The following LMO2 variants were observed in gnomAD, a reference collection of about 807,000 sequenced individuals.
LMO2 encodes rhombotin-2.
Under a neutral mutation model 23.2 loss-of-function variants are expected in LMO2, and 20 were observed. The ratio of observed to expected loss-of-function variants is 0.86; its 90% CI spans 0.61 to 1.25. The LOEUF is 1.25. Ranked by LOEUF, LMO2 falls within the 50% of genes most tolerant of loss-of-function variation. LMO2 has a pLI of 0.00. For missense variants in LMO2, 270 were observed against 315.3 expected (o/e 0.86, Z 1.09); for synonymous variants, 123 against 130.2 (o/e 0.94, Z 0.38).
intron 1 of LMO2, among the ~76,000 whole-genome samples, chr11:33,882,738 A>G (rs945124620): frequency 2.6e-5 from 4 of 152,212 alleles, no homozygotes; most frequent in African/African-American, 9.7e-5. Flanking sequence ...CAATCCTGAT[A>G]AGAAACCTCC....
chr11:33,862,210 G>A (rs527623122), intron 5 of LMO2, among the ~76,000 whole-genome samples: 1 of 152,214 alleles, frequency 6.6e-6, no homozygotes, highest in African/African-American at 2.4e-5. Context: ...CCTCAGAGGG[G>A]AGGGACCCTG....
intron 2 of LMO2, among the ~76,000 whole-genome samples, chr11:33,872,874 G>A (rs1857057758): frequency 6.6e-6 from 1 of 152,112 alleles, no homozygotes; most frequent in Non-Finnish European, 1.5e-5. Flanking sequence ...GATTTTCCCT[G>A]CCTCAGCCTC....
chr11:33,863,521 T>C (rs897142854), intron 5 of LMO2, among the ~76,000 whole-genome samples: 1 of 152,212 alleles, frequency 6.6e-6, no homozygotes, highest in African/African-American at 2.4e-5. Context: ...ATGGGTTGGA[T>C]GGTCCTGGTG....
chr11:33,891,373 A>G (rs1016567015), intron 1 of LMO2, among the ~76,000 whole-genome samples: 10 of 131,508 alleles, frequency 7.6e-5, no homozygotes, highest in South Asian at 2.5e-4. Context: ...ACACACACAC[A>G]CACACACACA....
At chr11:33,889,938 T>C (rs12287746) in intron 1 of LMO2, among the ~76,000 whole-genome samples, 1,860 of 152,302 alleles carry the variant, frequency 0.012, 42 homozygotes, top group African/African-American at 0.043. Context: ...GGTGTATATA[T>C]ATGCAATGGA....
intron 2 of LMO2, 143 bp from the exon 3 acceptor site, chr11:33,870,130 C>G (rs1220285438): frequency 4.0e-6 from 1 of 249,820 alleles, no homozygotes; most frequent in South Asian, 1.6e-4. Context: ...ACAGCAGCAT[C>G]AGGACTGACT....
At chr11:33,866,584 A>G (rs990565720) in intron 4 of LMO2, among the ~76,000 whole-genome samples, 1 of 152,216 alleles carries the variant, frequency 6.6e-6, no homozygotes, top group African/African-American at 2.4e-5. Context: ...TGCAGTGAGC[A>G]CTGCACTCTA....
chr11:33,881,915 G>C (rs1857291764), intron 1 of LMO2, 28 bp from the exon 2 acceptor site: 1 of 154,710 alleles, frequency 6.5e-6, no homozygotes, highest in Non-Finnish European at 1.4e-5. Flanking sequence ...GAACCCTCTG[G>C]TTTAGACAGC....
chr11:33,868,465 G>A (rs994924660), intron 4 of LMO2, among the ~76,000 whole-genome samples: 1 of 152,098 alleles, frequency 6.6e-6, no homozygotes, highest in African/African-American at 2.4e-5. Context: ...CTCTTAAAAG[G>A]GCATTTGCGT....
intron 5 of LMO2, among the ~76,000 whole-genome samples, chr11:33,863,480 G>A (rs1181888965): frequency 6.6e-6 from 1 of 152,208 alleles, no homozygotes; most frequent in Non-Finnish European, 1.5e-5. Context: ...TGGCCCAGCA[G>A]CCAAGGGCGC....
At chr11:33,863,919 C>A (rs541914339) in intron 5 of LMO2, among the ~76,000 whole-genome samples, 2 of 152,290 alleles carry the variant, frequency 1.3e-5, no homozygotes, top group East Asian at 3.9e-4. Flanking sequence ...AAATCCTCCC[C>A]ACATCCTTAG....
In LMO2 at chr11:33,859,022, ACT is replaced by A. The variant is rs1286759926; in HGVS notation, c.*332_*333del. ...AGTCACAACAAGTCTGTACACAACA[ACT>A]CTCTATCTGTAGATATGAAATTCCA... On this transcript the variant is annotated 3_prime_UTR_variant, in exon 6 of 6. Coordinates refer to ENST00000257818, the MANE Select transcript of LMO2 (RefSeq NM_005574.4). The A allele has an allele frequency of 1.9e-4, 69 of 356,800 alleles. No homozygotes were observed. Among genetic ancestry groups the A allele is most frequent in the Non-Finnish European group, 6.2e-5 (12 of 192,482 alleles). The allele number at this position is 356,800 out of a possible 1,614,324, so 22.1% of individuals were successfully genotyped here.
chr11:33,869,951 T>G lies in LMO2; in HGVS notation c.-235A>C. 1 of 1,042,932 alleles carries G rather than the reference T, an allele frequency of 9.6e-7. No homozygotes were observed. 64.6% of individuals were successfully genotyped at this position (1,042,932 alleles called of 1,614,324 possible). On this transcript the variant is annotated 5_prime_UTR_variant, in exon 3 of 6. An upstream open reading frame in the 5' UTR loses its in-frame stop. Coordinates refer to ENST00000257818, the MANE Select transcript of LMO2 (RefSeq NM_005574.4). Reference sequence around the variant, plus strand: ...CTCTCTCGGGAAGGTCTATTTTCGCTCAGCTTCCCTCTGTCTCTGGTTTCA... The same window carrying G: ...CTCTCTCGGGAAGGTCTATTTTCGCGCAGCTTCCCTCTGTCTCTGGTTTCA...
Position 33,869,970 on chromosome 11 carries a change from G to A in LMO2, c.-254C>T. 5 of 1,035,700 alleles carry A rather than the reference G, an allele frequency of 4.8e-6. No individual in the cohort carries two copies. Among genetic ancestry groups the A allele is most frequent in the Non-Finnish European group, 5.8e-6 (5 of 861,530 alleles). 64.2% of individuals were successfully genotyped at this position (1,035,700 alleles called of 1,614,324 possible). The stretch of plus-strand genomic sequence containing the variant: ...TTTCGCTCAGCTTCCCTCTGTCTCT[G>A]GTTTCATTTCCTTTTTCCTGATCAC... On this transcript the variant is annotated 5_prime_UTR_variant, in exon 3 of 6. Transcript: ENST00000257818.
In LMO2 at chr11:33,866,758, G is replaced by A. The variant is rs536576322; in HGVS notation, c.249-1941C>T. Among the ~76,000 whole-genome samples, 11 of 152,256 alleles carry A rather than the reference G, an allele frequency of 7.2e-5. No homozygotes were observed. The South Asian group carries it at 1.4e-3, about 20-fold the overall frequency. The stretch of plus-strand genomic sequence containing the variant: ...CCTCCTGGGTTCAAGTGATTCTCCC[G>A]CTTCAGCCTCCCGAATAGCTGGGAT... On this transcript the variant is annotated intron_variant, in intron 4 of 5. Transcript: ENST00000257818.
chr11:33,882,483 A>C (rs1230917724), intron 1 of LMO2, among the ~76,000 whole-genome samples: 1 of 152,218 alleles, frequency 6.6e-6, no homozygotes, highest in Non-Finnish European at 1.5e-5. Flanking sequence ...CTTGTTCCTT[A>C]GACTCGGGCA....
At chr11:33,868,375 G>A (rs1333926049) in intron 4 of LMO2, among the ~76,000 whole-genome samples, 1 of 152,178 alleles carries the variant, frequency 6.6e-6, no homozygotes, top group African/African-American at 2.4e-5. Flanking sequence ...AGCTCCTTTG[G>A]TCTTGTGTAA....
intron 1 of LMO2, among the ~76,000 whole-genome samples, chr11:33,886,087 A>G (rs1373655738): frequency 6.6e-6 from 1 of 152,150 alleles, no homozygotes; most frequent in Admixed American, 6.5e-5. Flanking sequence ...CATGTTGGCC[A>G]GGCTCGTCTC....
chr11:33,874,165 C>T (rs1857085308), intron 2 of LMO2, among the ~76,000 whole-genome samples: 1 of 152,206 alleles, frequency 6.6e-6, no homozygotes, highest in Non-Finnish European at 1.5e-5. Flanking sequence ...GCATCCTGTG[C>T]TCAGACTCAT....
Sources: allele counts gnomAD v4.1 joint callset (sites outside exome capture counted in the v4.1 genomes callset), GRCh38; gene constraint gnomAD v4.1.1; transcripts MANE v1.5; gene names NCBI Gene and HGNC (gene_info 2026-07-23, HGNC 2026-07-21).